CHRNG: variants seen among roughly 807,000 people sequenced by gnomAD.
CHRNG encodes the protein acetylcholine receptor subunit gamma.
Under a neutral mutation model 65.2 loss-of-function variants are expected in CHRNG, and 72 were observed. The observed-to-expected ratio is 1.10, with a 90% confidence interval of 0.91 to 1.34. The LOEUF is 1.34. Ranked by LOEUF, CHRNG falls within the 40% of genes most tolerant of loss-of-function variation. The pLI, the probability that CHRNG is intolerant of heterozygous loss-of-function variation, is 0.00. For synonymous variants in CHRNG, 284 were observed against 290.2 expected, an observed-to-expected ratio of 0.98 and a Z score of 0.22; for missense variants, 637 against 680.1, an observed-to-expected ratio of 0.94 and a Z score of 0.70.
In CHRNG at chr2:232,547,773, A is replaced by G. The variant is rs1574648815; in HGVS notation, c.*2057A>G. ...TTGTGTATCTGGCACAAGTCTCTCA[A>G]CCTCTCTGAAAGCCTCAGAGGGCAG... On this transcript the variant is annotated 3_prime_UTR_variant, in exon 12 of 12. Transcript: ENST00000651502. 6.6e-6 allele frequency among the ~76,000 whole-genome samples: 1 copy of G among 152,180 alleles called. No individual in the cohort carries two copies. Among genetic ancestry groups the G allele is most frequent in the South Asian group, 2.1e-4 (1 of 4,824 alleles).
In CHRNG at chr2:232,545,995, C is replaced by T. The variant is rs1692126680; in HGVS notation, c.*279C>T. The T allele has an allele frequency of 3.6e-6, 2 of 561,428 alleles. No individual in the cohort carries two copies. The highest frequency in any genetic ancestry group is 6.5e-6 in the Non-Finnish European group (2 of 309,774). The allele number at this position is 561,428 out of a possible 1,614,324, so 34.8% of individuals were successfully genotyped here. On this transcript the variant is annotated 3_prime_UTR_variant, in exon 12 of 12. Transcript: ENST00000651502. Reference sequence around the variant, plus strand: ...AGCCACCCCTCCACTCAGTGCACTCCCCTCACTTAGGCAAAGCATTATTCA... The same window carrying T: ...AGCCACCCCTCCACTCAGTGCACTCTCCTCACTTAGGCAAAGCATTATTCA...
At chr2:232,542,631 A>C (rs1692041056) in intron 6 of CHRNG, 111 bp downstream of exon 6, 1 of 777,348 alleles carries the variant, frequency 1.3e-6, no homozygotes, top group South Asian at 1.5e-5. Flanking sequence ...CTCAAAATGA[A>C]AACTACAGCA....
At position 232,543,014 on chromosome 2, in the gene CHRNG, T is replaced by C. The variant is rs139998228; in HGVS notation, c.737T>C (p.Ile246Thr). The change falls in exon 7 of 12, where the codon ATC (isoleucine) becomes ACC (threonine). Residue 246 changes from isoleucine to threonine, a missense_variant. Transcript: ENST00000651502. ...CAGCGCAAGCCCCTCTTCTACGTCA[T>C]CAACATCATCGCCCCCTGTGTGCTC... ...LIQRKPLFYV[I>T]NIIAPCVLIS... 3 of 1,614,066 alleles carry C rather than the reference T, an allele frequency of 1.9e-6. No individual in the cohort carries two copies. Among genetic ancestry groups the C allele is most frequent in the East Asian group, 2.2e-5 (1 of 44,892 alleles).
rs770089601 is a variant in CHRNG, at chr2:232,544,920, G to A, written c.1380+18G>A. The A allele has an allele frequency of 5.6e-6, 9 of 1,613,780 alleles. No individual in the cohort carries two copies. In the Admixed American group the frequency reaches 1.5e-4, roughly 27 times the overall value. On this transcript the variant is annotated intron_variant, in intron 11 of 11. Coordinates refer to ENST00000651502, the MANE Select transcript of CHRNG (RefSeq NM_005199.5). ...TTGACAATGTAAGCTGAGTCAGGGT[G>A]GGGTGGAGGTGGAGTGAGTACCTGG...
intron 11 of CHRNG, 67 bp from the exon 12 acceptor site, chr2:232,545,476 T>A: frequency 7.1e-7 from 1 of 1,413,712 alleles, no homozygotes; most frequent in South Asian, 1.2e-5. Context: ...AGCCCAAGGA[T>A]GAGAACAGGA....
rs1268379554 is a variant in CHRNG, at chr2:232,542,315, C to CAA, written c.507-107_507-106insAA. The CAA allele has an allele frequency of 5.9e-5, 44 of 746,284 alleles. No homozygotes were observed. In the East Asian group the frequency reaches 1.1e-3, roughly 19 times the overall value. The allele number at this position is 746,284 out of a possible 1,614,324, so 46.2% of individuals were successfully genotyped here. A position where few individuals can be genotyped will look rare whatever the true frequency, so the allele number is the denominator to read the frequency against. ...TAGAGAACTCAGAAGCGTGGGGCTG[C>CAA]ATTTTGTTGAAGAAAAGCTGCCCAC... On this transcript the variant is annotated intron_variant, in intron 5 of 11. Coordinates refer to ENST00000651502, the MANE Select transcript of CHRNG (RefSeq NM_005199.5).
In CHRNG at chr2:232,543,005, TC is replaced by T. The variant is rs1259971204; in HGVS notation, c.729del (p.Tyr244ThrfsTer66). ...CTGCTCATCCAGCGCAAGCCCCTCTTCTACGTCATCAACATCATCGCCCCCT... is the reference window on the plus strand; with the variant it reads ...CTGCTCATCCAGCGCAAGCCCCTCTTTACGTCATCAACATCATCGCCCCCT... ...FYLLIQRKPLFYVINIIAPCV... is the reference protein window; with the variant it reads ...FYLLIQRKPLXYVINIIAPCV... On this transcript the variant is annotated frameshift_variant, in exon 7 of 12. Transcript: ENST00000651502. LOFTEE classifies it high-confidence loss of function. The T allele has an allele frequency of 6.2e-7, 1 of 1,614,224 alleles. No individual in the cohort carries two copies. Among genetic ancestry groups the T allele is most frequent in the Non-Finnish European group, 8.5e-7 (1 of 1,180,034 alleles).
rs1477506581 is a variant in CHRNG, at chr2:232,546,135, T to C, written c.*419T>C. The C allele has an allele frequency of 9.5e-6, 3 of 315,946 alleles. No homozygotes were observed. The highest frequency in any genetic ancestry group is 6.5e-5 in the African/African-American group (3 of 46,254). The allele number at this position is 315,946 out of a possible 1,614,324, so 19.6% of individuals were successfully genotyped here. On this transcript the variant is annotated 3_prime_UTR_variant, in exon 12 of 12. Transcript: ENST00000651502. ...GGGCAGTCACAAGAGGTGTGAAGAG[T>C]AGCAGCCGATGCTCTCTCCAAAGCA...
chr2:232,544,041 G>T (rs766310547), intron 9 of CHRNG, among the ~76,000 whole-genome samples: 4 of 152,216 alleles, frequency 2.6e-5, no homozygotes, highest in Non-Finnish European at 5.9e-5. Flanking sequence ...ATTCCAGTCT[G>T]TGTGATCTGT....
chr2:232,542,281 G>A lies in CHRNG; in HGVS notation c.507-142G>A, dbSNP rs1692032299. 3 of 681,666 alleles carry A rather than the reference G, an allele frequency of 4.4e-6. No homozygotes were observed. The Admixed American group carries it at 6.2e-5, about 14-fold the overall frequency. 42.2% of individuals were successfully genotyped at this position (681,666 alleles called of 1,614,324 possible). On this transcript the variant is annotated intron_variant, in intron 5 of 11. Transcript: ENST00000651502. Reference sequence around the variant, plus strand: ...CTCCTGCTCTCCATATCTCGCCAGTGGGGTTTTATAGAGAACTCAGAAGCG... The same window carrying A: ...CTCCTGCTCTCCATATCTCGCCAGTAGGGTTTTATAGAGAACTCAGAAGCG...
In CHRNG at chr2:232,543,768, C is replaced by T. The variant is rs982792051; in HGVS notation, c.1035+69C>T. The T allele has an allele frequency of 7.0e-5, 65 of 928,974 alleles. No homozygotes were observed. The East Asian group carries it at 8.9e-4, about 13-fold the overall frequency. The allele number at this position is 928,974 out of a possible 1,614,324, so 57.5% of individuals were successfully genotyped here. ...CCCTACGCCTCCCTCTCGCACGCCC[C>T]GGCAGTACTCACCTGTGGCATTCCA... is the stretch of plus-strand genomic sequence containing the variant. On this transcript the variant is annotated intron_variant, in intron 9 of 11. Transcript: ENST00000651502.
chr2:232,543,090 G>C lies in CHRNG; in HGVS notation c.805+8G>C, dbSNP rs936925551. 1 of 1,613,714 alleles carries C rather than the reference G, an allele frequency of 6.2e-7. No individual in the cohort carries two copies. Among genetic ancestry groups the C allele is most frequent in the Non-Finnish European group, 8.5e-7 (1 of 1,179,646 alleles). On this transcript the variant is annotated splice_region_variant and intron_variant, in intron 7 of 11. Transcript: ENST00000651502. ...ACTTCCTTCCTGCCAAGGGTACCTG[G>C]AGCCTATGGGAAGGAGCCATCCAGT...
In CHRNG at chr2:232,543,690, G is replaced by A; in HGVS notation, c.1026G>A (p.Gly342=). ...RSPHTHSMAR[G]VRKVFLRLLP... Reference sequence around the variant, plus strand: ...CACACACACACTCCATGGCCCGAGGGGTCCGCAAGGCAAGGACCCTCCCTG... The same window carrying A: ...CACACACACACTCCATGGCCCGAGGAGTCCGCAAGGCAAGGACCCTCCCTG... Residue 342 remains glycine (G), a synonymous_variant, in exon 9 of 12, where the codon GGG becomes GGA. Transcript: ENST00000651502. The A allele has an allele frequency of 6.2e-7, 1 of 1,606,206 alleles. No homozygotes were observed. Among genetic ancestry groups the A allele is most frequent in the East Asian group, 2.2e-5 (1 of 44,850 alleles).
intron 11 of CHRNG, 94 bp from the exon 12 acceptor site, chr2:232,545,449 G>T: frequency 8.7e-7 from 1 of 1,144,086 alleles, no homozygotes; most frequent in South Asian, 1.3e-5. Flanking sequence ...AGGAAATGGA[G>T]ACATGGGCCT....
Position 232,548,102 on chromosome 2 carries a change from G to A in CHRNG, c.*2386G>A, listed in dbSNP as rs1279830399. 2 of 673,480 alleles carry A rather than the reference G, an allele frequency of 3.0e-6. No homozygotes were observed. Among genetic ancestry groups the A allele is most frequent in the Non-Finnish European group, 4.8e-6 (2 of 414,760 alleles). 41.7% of individuals were successfully genotyped at this position (673,480 alleles called of 1,614,324 possible). A position where few individuals can be genotyped will look rare whatever the true frequency, so the allele number is the denominator to read the frequency against. ...AAATACTTTATTGCTAAAAAATGCT[G>A]ATTATCAATCTGAGCCTTCGGTGAG... On this transcript the variant is annotated 3_prime_UTR_variant, in exon 12 of 12. Coordinates refer to ENST00000651502, the MANE Select transcript of CHRNG (RefSeq NM_005199.5).
Position 232,540,805 on chromosome 2 carries a change from C to T in CHRNG, c.350+94C>T. ...CACTCTGGGAAAAGAGAAAGATGAG[C>T]AGAGGGTGCAAATCGGGCACCTGTG... On this transcript the variant is annotated intron_variant, in intron 4 of 11. Transcript: ENST00000651502. The surrounding 1 kb of genome is among the most constrained non-coding windows in gnomAD (Gnocchi z 4.2). The T allele has an allele frequency of 1.7e-6, 2 of 1,182,260 alleles. No individual in the cohort carries two copies. Among genetic ancestry groups the T allele is most frequent in the Admixed American group, 2.0e-5 (1 of 50,572 alleles). 73.2% of individuals were successfully genotyped at this position (1,182,260 alleles called of 1,614,324 possible).
chr2:232,545,797 G>A lies in CHRNG; in HGVS notation c.*81G>A. 1.3e-6 allele frequency: 2 copies of A among 1,482,016 alleles called. No individual in the cohort carries two copies. The highest frequency in any genetic ancestry group is 1.9e-6 in the Non-Finnish European group (2 of 1,064,738). 91.8% of individuals were successfully genotyped at this position (1,482,016 alleles called of 1,614,324 possible). A position where few individuals can be genotyped will look rare whatever the true frequency, so the allele number is the denominator to read the frequency against. ...TTATCAGCCACGTTCTCCTACTGAG[G>A]TCCTAAGTGTGCTCTTTGGGAAGTG... On this transcript the variant is annotated 3_prime_UTR_variant, in exon 12 of 12. Transcript: ENST00000651502.
Position 232,539,815 on chromosome 2 carries a change from G to A in CHRNG, c.55+13G>A, listed in dbSNP as rs765834571. On this transcript the variant is annotated intron_variant, in intron 1 of 11. Coordinates refer to ENST00000651502, the MANE Select transcript of CHRNG (RefSeq NM_005199.5). ...GCTGTCTGCCTGGGTGGGACACAAA[G>A]GAATCTCAGCCTGGGGAGTCCCAGA... 1.4e-5 allele frequency: 22 copies of A among 1,613,546 alleles called. No individual in the cohort carries two copies. The highest frequency in any genetic ancestry group is 2.2e-5 in the East Asian group (1 of 44,896).
chr2:232,540,981 G>T lies in CHRNG; in HGVS notation c.350+270G>T, dbSNP rs1692002850. ...GGGCTGCTCCCTTCCCTGTAACATG[G>T]GGCCGCTGACGGGTCCTATAGAAGC... On this transcript the variant is annotated intron_variant, in intron 4 of 11. Coordinates refer to ENST00000651502, the MANE Select transcript of CHRNG (RefSeq NM_005199.5). This position sits in a 1 kb window ranked among gnomAD's most constrained non-coding sequence, Gnocchi z 4.2. 6.6e-6 allele frequency among the ~76,000 whole-genome samples: 1 copy of T among 152,076 alleles called. No homozygotes were observed.
Sources: allele counts gnomAD v4.1 joint callset (sites outside exome capture counted in the v4.1 genomes callset), GRCh38; gene constraint gnomAD v4.1.1; non-coding constraint Gnocchi (gnomAD v3.1); transcripts MANE v1.5; gene names NCBI Gene and HGNC (gene_info 2026-07-23, HGNC 2026-07-21).